The following SPATA6 variants were observed in gnomAD, a reference collection of about 807,000 sequenced individuals.
SPATA6 encodes the protein spermatogenesis associated 6, also known as spermatogenesis-associated protein 6.
Under a neutral mutation model 65.3 loss-of-function variants are expected in SPATA6, and 56 were observed. That is an observed-to-expected ratio of 0.86 (90% CI 0.69 to 1.07). SPATA6 has a LOEUF of 1.07. SPATA6 is among the 50% of genes least tolerant of loss of function. The probability of loss-of-function intolerance (pLI) is 0.00; values close to 1 mark genes in which losing one functional copy is unlikely to be tolerated. For synonymous variants in SPATA6, 199 were observed against 213.2 expected, an observed-to-expected ratio of 0.93 and a Z score of 0.58; for missense variants, 590 against 594.8, an observed-to-expected ratio of 0.99 and a Z score of 0.08.
the SPATA6 span, among the ~76,000 whole-genome samples, chr1:48,277,073 T>C: frequency 1.3e-5 from 2 of 151,678 alleles, no homozygotes; most frequent in Admixed American, 1.3e-4. Context: ...CCCTTTACCA[T>C]TAGCAATGGC....
chr1:48,408,885 C>G (rs1651953592), intron 5 of SPATA6, among the ~76,000 whole-genome samples: 1 of 152,170 alleles, frequency 6.6e-6, no homozygotes, highest in Non-Finnish European at 1.5e-5. Context: ...CACCAGGTCC[C>G]TCCCATAGCA....
At chr1:48,274,982 T>A in the SPATA6 span, among the ~76,000 whole-genome samples, 2 of 152,218 alleles carry the variant, frequency 1.3e-5, no homozygotes, top group South Asian at 4.1e-4. Context: ...CATGGAATGT[T>A]TTTCCATTTG....
chr1:48,298,822 T>A lies in SPATA6; in HGVS notation c.1358A>T (p.Tyr453Phe). 1 of 1,614,048 alleles carries A rather than the reference T, an allele frequency of 6.2e-7. No individual in the cohort carries two copies. Among genetic ancestry groups the A allele is most frequent in the Non-Finnish European group, 8.5e-7 (1 of 1,179,942 alleles). ...GATGGGTCGGTGGGATTTTCCCTTATAAGAGGCTGCCCTGTTGGACCAGTA... is the reference window on the plus strand; with the variant it reads ...GATGGGTCGGTGGGATTTTCCCTTAAAAGAGGCTGCCCTGTTGGACCAGTA... ...GEYWSNRAAS[Y>F]KGKSHRPIFE... The change falls in exon 13 of 13, where the codon TAT becomes TTT. Residue 453 changes from tyrosine (Y) to phenylalanine (F), a missense_variant. Physicochemically the swap from Tyr to Phe is conservative, Grantham distance 22 (BLOSUM62 3). Transcript: ENST00000371847.
chr1:48,439,235 G>C (rs1166280540), intron 3 of SPATA6, among the ~76,000 whole-genome samples: 1 of 152,104 alleles, frequency 6.6e-6, no homozygotes, highest in Non-Finnish European at 1.5e-5. Flanking sequence ...GACAGGCAAG[G>C]GTGCAGGTTT....
chr1:48,360,347 G>A (rs1194768105), intron 9 of SPATA6, among the ~76,000 whole-genome samples: 1 of 152,122 alleles, frequency 6.6e-6, no homozygotes, highest in African/African-American at 2.4e-5. Context: ...TAAGTAACAT[G>A]AGAAGCAGGG....
rs528268677 is a variant in SPATA6, at chr1:48,388,655, G to A, written c.869-3306C>T. 1.2e-4 allele frequency among the ~76,000 whole-genome samples: 18 copies of A among 150,648 alleles called. 1 individual carries two copies. In the South Asian group the frequency reaches 2.9e-3, roughly 24 times the overall value. On this transcript the variant is annotated intron_variant, in intron 8 of 12. Coordinates refer to ENST00000371847, the MANE Select transcript of SPATA6 (RefSeq NM_019073.4). ...AAGGAGATATATATCACAAAAAAAA[G>A]AACCAAACAGAAATTCTGGAGATGA...
intron 3 of SPATA6, among the ~76,000 whole-genome samples, chr1:48,447,473 C>T (rs1276779718): frequency 6.6e-6 from 1 of 152,114 alleles, no homozygotes; most frequent in African/African-American, 2.4e-5. Flanking sequence ...GAGCCAACAT[C>T]GCACCACTGT....
At chr1:48,282,851 A>G in the SPATA6 span, among the ~76,000 whole-genome samples, 11,814 of 152,246 alleles carry the variant, frequency 0.078, 621 homozygotes, top group East Asian at 0.23. Context: ...CCAAAGGACT[A>G]TAAATCATGC....
At chr1:48,443,259 C>T (rs374019781) in intron 3 of SPATA6, among the ~76,000 whole-genome samples, 1 of 152,090 alleles carries the variant, frequency 6.6e-6, no homozygotes, top group East Asian at 1.9e-4. Flanking sequence ...AGGTTTTCAA[C>T]GAAAGTAAAG....
intron 11 of SPATA6, among the ~76,000 whole-genome samples, chr1:48,322,656 T>C (rs111277420): frequency 0.32 from 48,267 of 152,124 alleles, 9,127 homozygotes; most frequent in Middle Eastern, 0.45. Context: ...GAGAAAATTT[T>C]TGCAATCTAT....
chr1:48,342,103 G>T (rs1346018038), intron 11 of SPATA6, among the ~76,000 whole-genome samples: 1 of 152,142 alleles, frequency 6.6e-6, no homozygotes, highest in Non-Finnish European at 1.5e-5. Flanking sequence ...CTTGTGAAGG[G>T]CCAGGTAGGA....
At chr1:48,428,773 A>ATGTGTGTGTGTGTG (rs1308795485) in intron 3 of SPATA6, among the ~76,000 whole-genome samples, 1 of 63,138 alleles carries the variant, frequency 1.6e-5, no homozygotes, top group Non-Finnish European at 3.4e-5. Flanking sequence ...ATAGGTGTAT[A>ATGTGTGTGTGTGTG]TATGTGTGTG....
intron 11 of SPATA6, among the ~76,000 whole-genome samples, chr1:48,333,552 AACC>A (rs1238303111): frequency 6.6e-6 from 1 of 152,158 alleles, no homozygotes; most frequent in Non-Finnish European, 1.5e-5. Context: ...CCCTCTAGAG[AACC>A]CTGACTAATA....
At chr1:48,338,587 G>T (rs1431015632) in intron 11 of SPATA6, among the ~76,000 whole-genome samples, 1 of 151,874 alleles carries the variant, frequency 6.6e-6, no homozygotes, top group Non-Finnish European at 1.5e-5. Context: ...TAAAAAATTG[G>T]GTCTTGGCAA....
intron 8 of SPATA6, among the ~76,000 whole-genome samples, chr1:48,385,956 G>T (rs1012015886): frequency 2.0e-5 from 3 of 152,076 alleles, no homozygotes; most frequent in African/African-American, 7.2e-5. Flanking sequence ...TTACACGTAA[G>T]GCACTAAAAT....
chr1:48,446,458 G>A (rs1010084258), intron 3 of SPATA6, among the ~76,000 whole-genome samples: 1 of 152,178 alleles, frequency 6.6e-6, no homozygotes, highest in African/African-American at 2.4e-5. Flanking sequence ...AGCTACAAGG[G>A]CTTCAGAAGC....
In SPATA6 at chr1:48,298,748, A is replaced by G; in HGVS notation, c.1432T>C (p.Cys478Arg). 6.2e-7 allele frequency: 1 copy of G among 1,613,860 alleles called. No individual in the cohort carries two copies. The highest frequency in any genetic ancestry group is 1.7e-5 in the Admixed American group (1 of 59,982). Residue 478 changes from cysteine to arginine, a missense_variant, in exon 13 of 13, where the codon TGT becomes CGT. Coordinates refer to ENST00000371847, the MANE Select transcript of SPATA6 (RefSeq NM_019073.4). ...KMYRNLYKKA[C>R]SSASHTQESF ...TCCTGTGTATGTGAAGCAGAACTACAGGCCTTTTTGTATAAGTTCCTGTAC... is the reference window on the plus strand; with the variant it reads ...TCCTGTGTATGTGAAGCAGAACTACGGGCCTTTTTGTATAAGTTCCTGTAC...
Position 48,399,870 on chromosome 1 carries a change from C to A in SPATA6, c.487-226G>T, listed in dbSNP as rs149909238. 2.7e-3 allele frequency among the ~76,000 whole-genome samples: 411 copies of A among 151,872 alleles called. 1 individual carries two copies. Among genetic ancestry groups the A allele is most frequent in the African/African-American group, 9.7e-3 (403 of 41,480 alleles). On this transcript the variant is annotated intron_variant, in intron 6 of 12. Transcript: ENST00000371847. Reference sequence around the variant, plus strand: ...TACACTGTCTCAAACTTCCTTAAGTCCAACAAGGACTTTATAAAAATTAAA... The same window carrying A: ...TACACTGTCTCAAACTTCCTTAAGTACAACAAGGACTTTATAAAAATTAAA...
rs1420560233 is a variant in SPATA6, at chr1:48,305,783, AT to A, written c.1286+3del. Reference sequence around the variant, plus strand: ...AGAAGGATATACATATATTTCATTCATACCTATACTCGGGGTCACTGTCATA... The same window carrying A: ...AGAAGGATATACATATATTTCATTCAACCTATACTCGGGGTCACTGTCATA... On this transcript the variant is annotated splice_donor_region_variant and intron_variant, in intron 12 of 12. Coordinates refer to ENST00000371847, the MANE Select transcript of SPATA6 (RefSeq NM_019073.4). 1 of 1,601,758 alleles carries A rather than the reference AT, an allele frequency of 6.2e-7. No individual in the cohort carries two copies. The highest frequency in any genetic ancestry group is 2.2e-5 in the East Asian group (1 of 44,500).
Sources: allele counts gnomAD v4.1 joint callset (sites outside exome capture counted in the v4.1 genomes callset), GRCh38; gene constraint gnomAD v4.1.1; transcripts MANE v1.5; gene names NCBI Gene and HGNC (gene_info 2026-07-23, HGNC 2026-07-21).